PCDH7: variants seen among roughly 807,000 people sequenced by gnomAD.
PCDH7 encodes the protein protocadherin-7.
In PCDH7, 17 loss-of-function variants were observed where a neutral mutation model predicts 58.9. That is an observed-to-expected ratio of 0.29 (90% CI 0.20 to 0.43). The LOEUF (loss-of-function observed/expected upper bound fraction) is 0.43, where lower values mean the gene tolerates loss of function less well. Ranked by LOEUF, PCDH7 falls within the 20% of genes least tolerant of loss-of-function variation. PCDH7 has a pLI of 1.00. For synonymous variants in PCDH7, 664 were observed against 616.4 expected (o/e 1.08, Z -1.14); for missense variants, 1,274 against 1,441.0 (o/e 0.88, Z 1.88).
At chr4:30,816,371 G>A (rs763394572) in intron 1 of PCDH7, among the ~76,000 whole-genome samples, 3 of 152,054 alleles carry the variant, frequency 2.0e-5, no homozygotes, top group East Asian at 1.9e-4. Flanking sequence ...GTAGGGAAAC[G>A]CTTAAGAAGG....
At chr4:31,142,652 A>G (rs778409143) in exon 4 of PCDH7, 2 of 1,367,756 alleles carry the variant, frequency 1.5e-6, no homozygotes, top group South Asian at 2.3e-5. Flanking sequence ...AAAGCTGGCC[A>G]ATGGGGAGGC....
In PCDH7 at chr4:31,065,483, G is replaced by T. The variant is rs138787575; in HGVS notation, c.*8-76990G>T. 4.2e-3 allele frequency among the ~76,000 whole-genome samples: 642 copies of T among 152,040 alleles called. 31 individuals carry two copies. In the East Asian group the frequency reaches 0.11, roughly 25 times the overall value. ...ACCTGTTGCTAAGAGATCACATTCA[G>T]GGTAAAATTAATGCTTCTCCAATTA... On this transcript the variant is annotated intron_variant, in intron 3 of 3. Transcript: ENST00000509759.
intron 1 of PCDH7, among the ~76,000 whole-genome samples, chr4:30,805,096 T>G (rs1453404504): frequency 6.6e-6 from 1 of 152,234 alleles, no homozygotes; most frequent in Non-Finnish European, 1.5e-5. Context: ...TATCACTCTA[T>G]TTACTTGGTT....
chr4:31,060,221 C>T (rs1757574949), intron 3 of PCDH7, among the ~76,000 whole-genome samples: 1 of 151,782 alleles, frequency 6.6e-6, no homozygotes, highest in Admixed American at 6.6e-5. Flanking sequence ...TGTCCCCAAT[C>T]TTGGTTATGA....
At chr4:30,980,882 C>A (rs1194639300) in intron 3 of PCDH7, among the ~76,000 whole-genome samples, 1 of 152,128 alleles carries the variant, frequency 6.6e-6, no homozygotes, top group Non-Finnish European at 1.5e-5. Flanking sequence ...CTCGCTCTGT[C>A]ACCCAGGCTG....
At chr4:30,990,225 T>C (rs1449009960) in intron 3 of PCDH7, among the ~76,000 whole-genome samples, 2 of 151,916 alleles carry the variant, frequency 1.3e-5, no homozygotes, top group African/African-American at 4.8e-5. Flanking sequence ...AAACATGCAA[T>C]GATAGCCTCA....
chr4:30,772,247 C>G (rs1195853903), intron 1 of PCDH7, among the ~76,000 whole-genome samples: 1 of 152,144 alleles, frequency 6.6e-6, no homozygotes, highest in Non-Finnish European at 1.5e-5. Flanking sequence ...AATGCCAACA[C>G]TAAAATGAAT....
chr4:30,939,974 G>A (rs1440189419), intron 2 of PCDH7, among the ~76,000 whole-genome samples: 2 of 151,708 alleles, frequency 1.3e-5, no homozygotes, highest in South Asian at 4.2e-4. Flanking sequence ...GTCGATTAAA[G>A]GTAGGAAGTT....
intron 3 of PCDH7, among the ~76,000 whole-genome samples, chr4:30,973,400 G>T (rs1383708285): frequency 6.6e-6 from 1 of 152,144 alleles, no homozygotes; most frequent in African/African-American, 2.4e-5. Flanking sequence ...AGCACCCTTT[G>T]ATTGACATAC....
At chr4:30,830,143 A>G (rs28884596) in intron 1 of PCDH7, among the ~76,000 whole-genome samples, 15,260 of 152,140 alleles carry the variant, frequency 0.1, 873 homozygotes, top group Non-Finnish European at 0.12. Flanking sequence ...TTCAACTATG[A>G]TACCTAAATG....
intron 3 of PCDH7, among the ~76,000 whole-genome samples, chr4:30,992,535 A>G (rs750301887): frequency 6.6e-6 from 1 of 152,102 alleles, no homozygotes; most frequent in Non-Finnish European, 1.5e-5. Flanking sequence ...TACTTTTGCT[A>G]TTGTCAAGCC....
intron 1 of PCDH7, among the ~76,000 whole-genome samples, chr4:30,876,176 C>T (rs1411185709): frequency 6.6e-6 from 1 of 152,024 alleles, no homozygotes; most frequent in Non-Finnish European, 1.5e-5. Context: ...CTGCAATATG[C>T]ATTAAGATCA....
chr4:30,872,592 G>T (rs116702753), intron 1 of PCDH7, among the ~76,000 whole-genome samples: 354 of 151,974 alleles, frequency 2.3e-3, no homozygotes, highest in Non-Finnish European at 3.7e-3. Flanking sequence ...ACCATCATTG[G>T]GTAGCTGTGA....
intron 1 of PCDH7, among the ~76,000 whole-genome samples, chr4:30,814,940 T>TA: frequency 6.6e-6 from 1 of 151,920 alleles, no homozygotes; most frequent in Non-Finnish European, 1.5e-5. Flanking sequence ...GATGGGAATG[T>TA]AAAAAACAGT....
chr4:30,905,907 A>G (rs2109399571), intron 1 of PCDH7, among the ~76,000 whole-genome samples: 1 of 152,302 alleles, frequency 6.6e-6, no homozygotes, highest in Non-Finnish European at 1.5e-5. Context: ...CACAGTAGGA[A>G]TTCAATATTT....
chr4:31,124,861 C>A (rs2109328536), intron 3 of PCDH7, among the ~76,000 whole-genome samples: 1 of 152,208 alleles, frequency 6.6e-6, no homozygotes, highest in Non-Finnish European at 1.5e-5. Context: ...AATCATACTC[C>A]TTTTTTCTGT....
At chr4:30,892,312 A>G (rs1738721575) in intron 1 of PCDH7, among the ~76,000 whole-genome samples, 1 of 152,046 alleles carries the variant, frequency 6.6e-6, no homozygotes, top group Admixed American at 6.6e-5. Flanking sequence ...AAAAATAAAG[A>G]AGAAAGTTGT....
chr4:31,121,527 C>T (rs560704327), intron 3 of PCDH7, among the ~76,000 whole-genome samples: 7 of 152,298 alleles, frequency 4.6e-5, no homozygotes, highest in South Asian at 2.1e-4. Flanking sequence ...ACTTGGACAT[C>T]AGAGACATTT....
intron 1 of PCDH7, among the ~76,000 whole-genome samples, chr4:30,871,103 C>T (rs535259661): frequency 7.2e-5 from 11 of 152,144 alleles, no homozygotes; most frequent in African/African-American, 2.6e-4. Flanking sequence ...TTAAAAATTT[C>T]ATAGAGGAAA....
Sources: gnomAD v4.1 joint callset for allele counts (sites outside exome capture counted in the v4.1 genomes callset) on GRCh38, gnomAD v4.1.1 for gene constraint, MANE v1.5 for transcripts, NCBI Gene and HGNC (gene_info 2026-07-23, HGNC 2026-07-21) for gene names.